SNX7: variants seen among roughly 807,000 people sequenced by gnomAD.
SNX7 encodes sorting nexin-7.
SNX7 carries 35 observed loss-of-function variants against 48.4 expected under a neutral mutation model. The observed-to-expected ratio is 0.72, with a 90% CI of 0.55 to 0.96. The LOEUF is 0.96. Among genes scored for constraint, SNX7 ranks in the 40% least tolerant of loss-of-function variants. SNX7 has a pLI of 0.00. For missense variants in SNX7, 553 were observed against 548.9 expected (o/e 1.01, Z -0.07); for synonymous variants, 190 against 190.2 (o/e 1.00, Z 0.01).
intron 1 of SNX7, among the ~76,000 whole-genome samples, chr1:98,677,926 C>G (rs1650259031): frequency 6.7e-6 from 1 of 150,130 alleles, no homozygotes; most frequent in Admixed American, 6.6e-5. Flanking sequence ...AATTTGTGAA[C>G]TCTTGGTATT....
chr1:98,695,789 TATAGCAAC>T, intron 5 of SNX7, 73 bp downstream of exon 5: 2 of 1,057,632 alleles, frequency 1.9e-6, no homozygotes, highest in East Asian at 4.7e-5. Flanking sequence ...GTTGGTGTAA[TATAGCAAC>T]ATTCAGTTAG....
intron 7 of SNX7, among the ~76,000 whole-genome samples, chr1:98,726,232 G>A (rs763896153): frequency 2.6e-5 from 4 of 152,128 alleles, no homozygotes; most frequent in Non-Finnish European, 5.9e-5. Flanking sequence ...TGATAAATGT[G>A]TGTCTTTGTA....
chr1:98,746,771 C>A (rs1654328066), intron 8 of SNX7, among the ~76,000 whole-genome samples: 2 of 152,080 alleles, frequency 1.3e-5, no homozygotes, highest in South Asian at 4.2e-4. Context: ...GATGAATATT[C>A]CCCTACCATA....
At chr1:98,733,162 G>A (rs1053589751) in intron 7 of SNX7, among the ~76,000 whole-genome samples, 8 of 152,072 alleles carry the variant, frequency 5.3e-5, no homozygotes, top group Non-Finnish European at 1.2e-4. Flanking sequence ...CTCACTTTGC[G>A]ATACTATTTG....
At chr1:98,704,072 T>TAA (rs898053946) in intron 7 of SNX7, among the ~76,000 whole-genome samples, 3 of 144,946 alleles carry the variant, frequency 2.1e-5, no homozygotes, top group African/African-American at 5.0e-5. Context: ...CCAACTCAGT[T>TAA]AAAAAAAAAA....
intron 7 of SNX7, among the ~76,000 whole-genome samples, chr1:98,730,330 T>G (rs1421043405): frequency 6.6e-6 from 1 of 152,092 alleles, no homozygotes; most frequent in Non-Finnish European, 1.5e-5. Context: ...CTGGAAGCAG[T>G]ACCCTTGAAA....
At chr1:98,751,802 G>A (rs1654596657) in intron 8 of SNX7, among the ~76,000 whole-genome samples, 1 of 152,066 alleles carries the variant, frequency 6.6e-6, no homozygotes, top group Non-Finnish European at 1.5e-5. Context: ...GATTTCATCA[G>A]AAGATTATTG....
chr1:98,673,011 C>G (rs1302924762), intron 1 of SNX7, among the ~76,000 whole-genome samples: 1 of 151,818 alleles, frequency 6.6e-6, no homozygotes, highest in Non-Finnish European at 1.5e-5. Flanking sequence ...TTAATCACCT[C>G]CAATTGGCTA....
intron 1 of SNX7, among the ~76,000 whole-genome samples, chr1:98,666,867 T>C (rs778933986): frequency 1.3e-5 from 2 of 152,190 alleles, no homozygotes; most frequent in Non-Finnish European, 2.9e-5. Flanking sequence ...AAAACCTCCA[T>C]GTTAGGAAAC....
chr1:98,743,702 G>T (rs1465868032), intron 8 of SNX7, among the ~76,000 whole-genome samples: 1 of 152,066 alleles, frequency 6.6e-6, no homozygotes, highest in Non-Finnish European at 1.5e-5. Flanking sequence ...TTCTTCAAGT[G>T]TAGTTTTACT....
intron 7 of SNX7, among the ~76,000 whole-genome samples, chr1:98,732,071 C>T (rs1653541085): frequency 6.6e-6 from 1 of 152,090 alleles, no homozygotes; most frequent in African/African-American, 2.4e-5. Context: ...TTGGCTTTCT[C>T]ACTATCCTAA....
chr1:98,715,646 A>G (rs1183669148), intron 7 of SNX7, among the ~76,000 whole-genome samples: 3 of 152,158 alleles, frequency 2.0e-5, no homozygotes, highest in African/African-American at 7.2e-5. Context: ...GACCATCTTC[A>G]AGCTGGCTTC....
At chr1:98,730,753 A>T (rs1166187236) in intron 7 of SNX7, among the ~76,000 whole-genome samples, 3 of 152,150 alleles carry the variant, frequency 2.0e-5, no homozygotes, top group Admixed American at 1.3e-4. Context: ...AAATCAGAGG[A>T]CACAAACAAA....
At chr1:98,712,481 A>G (rs907251520) in intron 7 of SNX7, among the ~76,000 whole-genome samples, 4 of 152,226 alleles carry the variant, frequency 2.6e-5, no homozygotes, top group African/African-American at 4.8e-5. Flanking sequence ...GTCAATAAAC[A>G]GTAATATTTT....
chr1:98,695,293 C>A (rs1271185868), intron 4 of SNX7, among the ~76,000 whole-genome samples: 1 of 152,052 alleles, frequency 6.6e-6, no homozygotes, highest in Admixed American at 6.6e-5. Flanking sequence ...AGACTATATA[C>A]CTGTTTTACA....
intron 7 of SNX7, among the ~76,000 whole-genome samples, chr1:98,713,959 C>A (rs575277464): frequency 6.6e-6 from 1 of 152,198 alleles, no homozygotes; most frequent in South Asian, 2.1e-4. Flanking sequence ...GTGAAGTAAG[C>A]ACATGTTGGA....
chr1:98,740,693 T>C (rs537666262), intron 8 of SNX7, among the ~76,000 whole-genome samples: 1 of 152,314 alleles, frequency 6.6e-6, no homozygotes, highest in South Asian at 2.1e-4. Context: ...AATGTTCCTT[T>C]CTTAGAAACA....
chr1:98,706,310 G>A (rs1016339347), intron 7 of SNX7, among the ~76,000 whole-genome samples: 1 of 152,130 alleles, frequency 6.6e-6, no homozygotes, highest in Non-Finnish European at 1.5e-5. Flanking sequence ...CACCAAGGAG[G>A]TAATGTTTTA....
intron 1 of SNX7, among the ~76,000 whole-genome samples, chr1:98,672,958 T>G (rs938190178): frequency 1.5e-5 from 2 of 132,708 alleles, no homozygotes; most frequent in Non-Finnish European, 3.2e-5. Flanking sequence ...AAAAAGAAAT[T>G]ATTCAAGTGT....
Sources: allele counts gnomAD v4.1 joint callset (sites outside exome capture counted in the v4.1 genomes callset), GRCh38; gene constraint gnomAD v4.1.1; transcripts MANE v1.5; gene names NCBI Gene and HGNC (gene_info 2026-07-23, HGNC 2026-07-21).